SGCZ: variants seen among roughly 807,000 people sequenced by gnomAD.
SGCZ encodes zeta-sarcoglycan.
SGCZ carries 40 observed loss-of-function variants against 41.3 expected under a neutral mutation model. The observed-to-expected ratio is 0.97, with a 90% CI of 0.75 to 1.26. The LOEUF (loss-of-function observed/expected upper bound fraction) is 1.26, where lower values mean the gene tolerates loss of function less well. SGCZ is among the 50% of genes most tolerant of loss of function. The pLI is 0.00. For synonymous variants in SGCZ, 206 were observed against 137.5 expected, an observed-to-expected ratio of 1.50 and a Z score of -3.49; for missense variants, 552 against 369.8, an observed-to-expected ratio of 1.49 and a Z score of -4.04.
chr8:14,426,283 CAAG>C (rs1213891629), intron 2 of SGCZ, among the ~76,000 whole-genome samples: 1 of 151,930 alleles, frequency 6.6e-6, no homozygotes, highest in Non-Finnish European at 1.5e-5. Flanking sequence ...TGAAATAAAA[CAAG>C]GAGGGTGATT....
rs534115159 is a variant in SGCZ, at chr8:14,525,848, AC to A, written c.234+28883del. On this transcript the variant is annotated intron_variant, in intron 2 of 7. Transcript: ENST00000382080. ...GAACACAGTGCACTGCAGAAACTAGACATGCAGTCCTGGGGCATCATTATTC... is the reference window on the plus strand; with the variant it reads ...GAACACAGTGCACTGCAGAAACTAGAATGCAGTCCTGGGGCATCATTATTC... Among the ~76,000 whole-genome samples the A allele has an allele frequency of 2.5e-3, 377 of 152,210 alleles. 2 individuals carry two copies. Among genetic ancestry groups the A allele is most frequent in the African/African-American group, 8.5e-3 (355 of 41,550 alleles).
At chr8:14,286,098 T>C (rs1303531733) in intron 3 of SGCZ, among the ~76,000 whole-genome samples, 2 of 151,620 alleles carry the variant, frequency 1.3e-5, no homozygotes, top group East Asian at 3.9e-4. Context: ...TTCTCTACAG[T>C]CCTCAAATTG....
At chr8:14,783,083 CTTCTAA>C (rs1800640370) in intron 1 of SGCZ, among the ~76,000 whole-genome samples, 1 of 152,070 alleles carries the variant, frequency 6.6e-6, no homozygotes, top group Non-Finnish European at 1.5e-5. Context: ...GATTTGGGGG[CTTCTAA>C]TCATAGAAAA....
intron 1 of SGCZ, among the ~76,000 whole-genome samples, chr8:14,606,839 T>C (rs991861028): frequency 9.2e-5 from 14 of 152,166 alleles, no homozygotes; most frequent in African/African-American, 3.4e-4. Context: ...GTGATAATAG[T>C]GGCTTTTTGT....
chr8:15,222,630 A>T (rs2117187941), intron 1 of SGCZ, among the ~76,000 whole-genome samples: 1 of 152,270 alleles, frequency 6.6e-6, no homozygotes, highest in African/African-American at 2.4e-5. Context: ...TGTGGTAAAT[A>T]ATTATATTTA....
At chr8:14,825,335 C>T (rs1185431344) in intron 1 of SGCZ, among the ~76,000 whole-genome samples, 1 of 152,186 alleles carries the variant, frequency 6.6e-6, no homozygotes, top group South Asian at 2.1e-4. Flanking sequence ...CACTCTAGAA[C>T]CTAATAGAAT....
intron 2 of SGCZ, among the ~76,000 whole-genome samples, chr8:14,389,907 G>A (rs1049151279): frequency 6.6e-6 from 1 of 151,972 alleles, no homozygotes; most frequent in Admixed American, 6.6e-5. Flanking sequence ...AAGGGTATCA[G>A]AACTTCTCAC....
At chr8:14,928,012 G>C (rs565812528) in intron 1 of SGCZ, among the ~76,000 whole-genome samples, 2 of 152,268 alleles carry the variant, frequency 1.3e-5, no homozygotes, top group East Asian at 1.9e-4. Flanking sequence ...CTCAACTCCA[G>C]ATTCTTGAGT....
At chr8:15,049,190 A>C (rs1804426286) in intron 1 of SGCZ, among the ~76,000 whole-genome samples, 1 of 152,172 alleles carries the variant, frequency 6.6e-6, no homozygotes, top group Non-Finnish European at 1.5e-5. Context: ...AGAATAGGTA[A>C]GTGTTGTAAG....
intron 1 of SGCZ, among the ~76,000 whole-genome samples, chr8:15,190,684 G>A (rs78627853): frequency 0.015 from 2,231 of 150,248 alleles, 76 homozygotes; most frequent in African/African-American, 0.053. Context: ...ATTGTGTGGG[G>A]GGAGGTGTGC....
chr8:14,558,818 C>T (rs1218128853), intron 1 of SGCZ, among the ~76,000 whole-genome samples: 1 of 151,856 alleles, frequency 6.6e-6, no homozygotes, highest in African/African-American at 2.4e-5. Context: ...ACCAGGAATG[C>T]AGTGATATGC....
At chr8:14,852,808 G>A (rs191191236) in intron 1 of SGCZ, among the ~76,000 whole-genome samples, 285 of 152,302 alleles carry the variant, frequency 1.9e-3, no homozygotes, top group Non-Finnish European at 2.6e-3. Context: ...GTTTCATGGA[G>A]TAATAGCCTT....
Position 14,964,860 on chromosome 8 carries a change from C to G in SGCZ, c.39+272725G>C, listed in dbSNP as rs530846012. 5.7e-4 allele frequency among the ~76,000 whole-genome samples: 86 copies of G among 152,168 alleles called. 1 individual carries two copies. In the South Asian group the frequency reaches 0.013, roughly 24 times the overall value. On this transcript the variant is annotated intron_variant, in intron 1 of 7. Coordinates refer to ENST00000382080, the MANE Select transcript of SGCZ (RefSeq NM_139167.4). The stretch of plus-strand genomic sequence containing the variant: ...ATACCTGCAAAAGGGAGGTAGGAAG[C>G]TATGCAGGTTATGTGGGCGCTTCTA...
rs1026607974 is a variant in SGCZ, at chr8:14,287,231, T to C, written c.336+36872A>G. ...TATATATATAATTTAATTTTTTCAA[T>C]GTGTATATAATTACATAATATCAAA... On this transcript the variant is annotated intron_variant, in intron 3 of 7. Transcript: ENST00000382080. 4.4e-4 allele frequency among the ~76,000 whole-genome samples: 67 copies of C among 151,490 alleles called. 1 individual carries two copies. Among genetic ancestry groups the C allele is most frequent in the African/African-American group, 1.4e-3 (58 of 41,466 alleles).
intron 5 of SGCZ, among the ~76,000 whole-genome samples, chr8:14,113,503 T>C (rs1802435764): frequency 1.3e-5 from 2 of 152,100 alleles, no homozygotes; most frequent in South Asian, 2.1e-4. Flanking sequence ...AATTAATAAA[T>C]ATTGATAAGG....
At position 14,664,743 on chromosome 8, in the gene SGCZ, G is replaced by A. The variant is rs200054481; in HGVS notation, c.40-109817C>T. Among the ~76,000 whole-genome samples, 311 of 152,250 alleles carry A rather than the reference G, an allele frequency of 2.0e-3. 3 individuals carry two copies. Among genetic ancestry groups the A allele is most frequent in the African/African-American group, 7.2e-3 (301 of 41,546 alleles). On this transcript the variant is annotated intron_variant, in intron 1 of 7. Coordinates refer to ENST00000382080, the MANE Select transcript of SGCZ (RefSeq NM_139167.4). ...CACTGATTTTAAAAATCTAATATCA[G>A]CTGTTGACATTACTCTCATAATTTG...
intron 1 of SGCZ, among the ~76,000 whole-genome samples, chr8:14,882,113 C>A (rs879192632): frequency 1.3e-5 from 2 of 152,174 alleles, no homozygotes; most frequent in Admixed American, 6.5e-5. Context: ...ATGCTCACAT[C>A]AAAAAGCTAG....
chr8:14,539,357 G>A (rs903008490), intron 2 of SGCZ, among the ~76,000 whole-genome samples: 25 of 151,846 alleles, frequency 1.6e-4, no homozygotes, highest in African/African-American at 5.1e-4. Context: ...TTAATAAAAA[G>A]AACTATAGAA....
chr8:14,452,101 G>A (rs1177726365), intron 2 of SGCZ, among the ~76,000 whole-genome samples: 1 of 152,118 alleles, frequency 6.6e-6, no homozygotes, highest in African/African-American at 2.4e-5. Flanking sequence ...GTAGATGAGT[G>A]GATACACAGG....
Sources: allele counts gnomAD v4.1 joint callset (sites outside exome capture counted in the v4.1 genomes callset), GRCh38; gene constraint gnomAD v4.1.1; transcripts MANE v1.5; gene names NCBI Gene and HGNC (gene_info 2026-07-23, HGNC 2026-07-21).